The following LAMA2 variants were observed in gnomAD, a reference collection of about 807,000 sequenced individuals.
LAMA2 encodes the protein laminin subunit alpha-2.
In LAMA2, 269 loss-of-function variants were observed where a neutral mutation model predicts 364.8. That is an observed-to-expected ratio of 0.74 (90% CI 0.67 to 0.82). The LOEUF (loss-of-function observed/expected upper bound fraction) is 0.82. LAMA2 is among the 40% of genes least tolerant of loss of function. The pLI is 0.00. For missense variants in LAMA2, 3,807 were observed against 3,873.2 expected (o/e 0.98, Z 0.45); for synonymous variants, 1,379 against 1,370.6 (o/e 1.01, Z -0.14).
chr6:129,187,809 G>A (rs1406476422), intron 10 of LAMA2, among the ~76,000 whole-genome samples: 1 of 151,694 alleles, frequency 6.6e-6, no homozygotes, highest in African/African-American at 2.4e-5. Context: ...TCATATAGGT[G>A]CCCCCAAAGT....
intron 12 of LAMA2, among the ~76,000 whole-genome samples, chr6:129,245,170 C>T (rs979290784): frequency 1.3e-5 from 2 of 152,124 alleles, no homozygotes; most frequent in Admixed American, 6.6e-5. Context: ...AGGGAAAAGG[C>T]CAAGCCTTTG....
intron 45 of LAMA2, among the ~76,000 whole-genome samples, chr6:129,451,516 G>A (rs1425147591): frequency 6.6e-6 from 1 of 152,172 alleles, no homozygotes; most frequent in East Asian, 1.9e-4. Flanking sequence ...TCTGGGTGGT[G>A]GAGGAAACAG....
chr6:129,470,076 A>G (rs1311519012), intron 51 of LAMA2, among the ~76,000 whole-genome samples: 1 of 151,906 alleles, frequency 6.6e-6, no homozygotes. Flanking sequence ...GGTTTAAATT[A>G]TAGCATGTTA....
intron 12 of LAMA2, among the ~76,000 whole-genome samples, chr6:129,211,444 T>C (rs1378405298): frequency 6.6e-6 from 1 of 152,228 alleles, no homozygotes; most frequent in Non-Finnish European, 1.5e-5. Context: ...GAAGAATCTT[T>C]ATAAAACTCA....
chr6:129,091,069 C>T (rs566575416), intron 3 of LAMA2, among the ~76,000 whole-genome samples: 6 of 152,024 alleles, frequency 3.9e-5, no homozygotes, highest in African/African-American at 1.2e-4. Flanking sequence ...ATAATCAAGT[C>T]GTTCAGCACT....
At chr6:129,190,175 T>C (rs749231190) in intron 10 of LAMA2, 30 bp from the exon 11 acceptor site, 4 of 1,610,930 alleles carry the variant, frequency 2.5e-6, no homozygotes, top group Non-Finnish European at 3.4e-6. Flanking sequence ...GAAGGATACC[T>C]CTGTTGCTGA....
At chr6:129,332,078 C>A (rs1775689434) in intron 29 of LAMA2, among the ~76,000 whole-genome samples, 1 of 152,172 alleles carries the variant, frequency 6.6e-6, no homozygotes, top group South Asian at 2.1e-4. Flanking sequence ...TACATTCATT[C>A]AGATGGTGAT....
At chr6:129,458,101 A>C (rs1388522263) in intron 48 of LAMA2, among the ~76,000 whole-genome samples, 1 of 152,094 alleles carries the variant, frequency 6.6e-6, no homozygotes, top group African/African-American at 2.4e-5. Flanking sequence ...TCTGAAGAAG[A>C]GAGATGTTAA....
rs189717247 is a variant in LAMA2, at chr6:129,274,110, G to T, written c.2450+3359G>T. 5.4e-3 allele frequency among the ~76,000 whole-genome samples: 822 copies of T among 151,224 alleles called. 6 individuals carry two copies. Among genetic ancestry groups the T allele is most frequent in the African/African-American group, 0.019 (798 of 41,272 alleles). On this transcript the variant is annotated intron_variant, in intron 17 of 64. Coordinates refer to ENST00000421865, the MANE Select transcript of LAMA2 (RefSeq NM_000426.4). Reference sequence around the variant, plus strand: ...TAAATCCTAGAAGTTTTGTGAGAGGGTTATAATGTCTTTTACATTTAAAAC... The same window carrying T: ...TAAATCCTAGAAGTTTTGTGAGAGGTTTATAATGTCTTTTACATTTAAAAC...
intron 12 of LAMA2, among the ~76,000 whole-genome samples, chr6:129,238,102 G>T (rs142045571): frequency 5.2e-4 from 78 of 150,750 alleles, no homozygotes; most frequent in African/African-American, 1.8e-3. Context: ...GAACCTGGGA[G>T]ACAGAGGTTG....
In LAMA2 at chr6:129,165,628, G is replaced by T. The variant is rs1779701745; in HGVS notation, c.1259G>T (p.Gly420Val). 3 of 1,613,434 alleles carry T rather than the reference G, an allele frequency of 1.9e-6. No individual in the cohort carries two copies. Among genetic ancestry groups the T allele is most frequent in the East Asian group, 2.2e-5 (1 of 44,852 alleles). Residue 420 changes from glycine (G) to valine (V), a missense_variant, in exon 9 of 65, where the codon GGT becomes GTT. Gly to Val is a moderately radical substitution (Grantham distance 109). Around this residue, in one of 3 missense-constraint regions of LAMA2, gnomAD observed 3,333 missense variants for 3,345.7 expected, o/e 1.00. Coordinates refer to ENST00000421865, the MANE Select transcript of LAMA2 (RefSeq NM_000426.4). The stretch of plus-strand genomic sequence containing the variant: ...CAGCCATGTCATTGCGATCCAATTG[G>T]TTCCTTAAATGAAGTCTGTGTCAAG... ...PCQPCHCDPI[G>V]SLNEVCVKDE...
At chr6:128,948,526 C>T (rs1293011862) in intron 1 of LAMA2, among the ~76,000 whole-genome samples, 1 of 152,136 alleles carries the variant, frequency 6.6e-6, no homozygotes, top group Non-Finnish European at 1.5e-5. Context: ...AATTACACAC[C>T]TTCCTCTAAA....
At position 128,924,095 on chromosome 6, in the gene LAMA2, G is replaced by T. The variant is rs887467012; in HGVS notation, c.112+40738G>T. On this transcript the variant is annotated intron_variant, in intron 1 of 64. Coordinates refer to ENST00000421865, the MANE Select transcript of LAMA2 (RefSeq NM_000426.4). ...TCTCTGCTTACATATAATGGCAGAAGAAATATCCTCCTAAATCTATTAAAA... is the reference window on the plus strand; with the variant it reads ...TCTCTGCTTACATATAATGGCAGAATAAATATCCTCCTAAATCTATTAAAA... Among the ~76,000 whole-genome samples, 12 of 152,122 alleles carry T rather than the reference G, an allele frequency of 7.9e-5. No homozygotes were observed. The South Asian group carries it at 2.3e-3, about 29-fold the overall frequency.
intron 30 of LAMA2, among the ~76,000 whole-genome samples, chr6:129,345,709 T>C (rs1241880590): frequency 1.3e-5 from 2 of 151,046 alleles, no homozygotes; most frequent in Admixed American, 6.6e-5. Flanking sequence ...TAAATATATG[T>C]ATTATACACC....
At chr6:129,141,698 T>A (rs374401219) in intron 4 of LAMA2, among the ~76,000 whole-genome samples, 8 of 152,028 alleles carry the variant, frequency 5.3e-5, no homozygotes, top group African/African-American at 1.4e-4. Flanking sequence ...AAAATGTAAT[T>A]AACACACATG....
intron 12 of LAMA2, among the ~76,000 whole-genome samples, chr6:129,201,052 A>G (rs1285426567): frequency 6.6e-6 from 1 of 152,158 alleles, no homozygotes; most frequent in African/African-American, 2.4e-5. Context: ...TATCTACCTT[A>G]AACAACAACA....
chr6:128,981,540 C>T lies in LAMA2; in HGVS notation c.113-68378C>T, dbSNP rs373503481. On this transcript the variant is annotated intron_variant, in intron 1 of 64. Transcript: ENST00000421865. ...AGCAGATCACTTGAGCTCAGGAGTT[C>T]GAGACCAGCCTGGGCAATATGCGAA... 9.8e-5 allele frequency among the ~76,000 whole-genome samples: 14 copies of T among 142,802 alleles called. No homozygotes were observed. The East Asian group carries it at 1.9e-3, about 19-fold the overall frequency. 93.7% of individuals were successfully genotyped at this position (142,802 alleles called of 152,430 possible).
chr6:129,176,731 T>C (rs552132264), intron 9 of LAMA2, among the ~76,000 whole-genome samples: 1 of 152,162 alleles, frequency 6.6e-6, no homozygotes, highest in Non-Finnish European at 1.5e-5. Context: ...CACAACTTTT[T>C]TTTCTTTTCC....
chr6:129,027,060 A>G (rs1171310817), intron 1 of LAMA2, among the ~76,000 whole-genome samples: 1 of 152,120 alleles, frequency 6.6e-6, no homozygotes, highest in Admixed American at 6.6e-5. Context: ...TCTTTGGCTT[A>G]GTAATAACCC....
Sources: gnomAD v4.1 joint callset for allele counts (sites outside exome capture counted in the v4.1 genomes callset) on GRCh38, gnomAD v4.1.1 for gene constraint, gnomAD v4.1.1 regional missense constraint, MANE v1.5 for transcripts, NCBI Gene and HGNC (gene_info 2026-07-23, HGNC 2026-07-21) for gene names.